The following PBXIP1 variants were observed in gnomAD, a reference collection of about 807,000 sequenced individuals.
The protein encoded by PBXIP1 is PBX homeobox interacting protein 1.
Under a neutral mutation model 73.7 loss-of-function variants are expected in PBXIP1, and 73 were observed. That is an observed-to-expected ratio of 0.99 (90% confidence interval 0.82 to 1.20). PBXIP1 has a LOEUF of 1.20. Ranked by LOEUF, PBXIP1 falls within the 50% of genes most tolerant of loss-of-function variation. PBXIP1 has a pLI of 0.00. For missense variants in PBXIP1, 818 were observed against 911.4 expected, an observed-to-expected ratio of 0.90 and a Z score of 1.32; for synonymous variants, 330 against 366.9, an observed-to-expected ratio of 0.90 and a Z score of 1.15.
At chr1:154,955,054 A>G in intron 1 of PBXIP1, 1 of 606,846 alleles carries the variant, frequency 1.6e-6, no homozygotes, top group Non-Finnish European at 2.1e-6. Context: ...TCAAGATCCA[A>G]GTCCTGGATA....
intron 5 of PBXIP1, among the ~76,000 whole-genome samples, chr1:154,950,961 T>C (rs1465965958): frequency 1.3e-5 from 2 of 152,230 alleles, no homozygotes; most frequent in Non-Finnish European, 2.9e-5. Flanking sequence ...AAATGAGGGT[T>C]GAATTCTGGA....
rs144269609 is a variant in PBXIP1 at position 154,945,711 on chromosome 1, G to T, written c.1963C>A (p.Arg655Ser). The T allele has an allele frequency of 2.5e-5, 41 of 1,614,116 alleles. No homozygotes were observed. The highest frequency in any genetic ancestry group is 3.5e-5 in the Non-Finnish European group (41 of 1,180,054). ...AGGGCATCCACAAAATCCCGGAAGC[G>T]GAGGCGGTCATGACGGAAGATGCCA... ...EDGIFRHDRL[R>S]FRDFVDALED... The change falls in exon 10 of 11, where the codon CGC (arginine) becomes AGC (serine). Residue 655 changes from arginine to serine, a missense_variant. Transcript: ENST00000368463.
intron 9 of PBXIP1, 174 bp from the exon 10 acceptor site, chr1:154,946,977 G>A (rs946562536): frequency 6.9e-6 from 4 of 580,594 alleles, no homozygotes; most frequent in Non-Finnish European, 1.2e-5. Flanking sequence ...CATCATGAAT[G>A]AGACACAGGG....
rs1654812527 is a variant in PBXIP1 at position 154,946,246 on chromosome 1, T to C, written c.1428A>G (p.Glu476=). Residue 476 remains glutamate, a synonymous_variant, in exon 10 of 11, where the codon GAA becomes GAG. Transcript: ENST00000368463. ...GGTCTCTCTGCCCATCCCACCACTTTTCCTTTCCACTCCACTCCCTAGAAT... is the reference window on the plus strand; with the variant it reads ...GGTCTCTCTGCCCATCCCACCACTTCTCCTTTCCACTCCACTCCCTAGAAT... ...FQNSREWSGK[E]KWWDGQRDRK... 1 of 1,614,174 alleles carries C rather than the reference T, an allele frequency of 6.2e-7. No homozygotes were observed. Among genetic ancestry groups the C allele is most frequent in the Non-Finnish European group, 8.5e-7 (1 of 1,180,018 alleles).
chr1:154,953,231 G>C (rs901269641), intron 2 of PBXIP1, among the ~76,000 whole-genome samples: 1 of 152,104 alleles, frequency 6.6e-6, no homozygotes, highest in Non-Finnish European at 1.5e-5. Context: ...TTTCCCATCA[G>C]GATGAGGCCT....
intron 5 of PBXIP1, chr1:154,950,380 G>A (rs1299101014): frequency 6.6e-6 from 1 of 152,326 alleles, no homozygotes; most frequent in African/African-American, 2.4e-5. Flanking sequence ...CCAGGCTAGA[G>A]TGAAGTGGGA....
intron 2 of PBXIP1, among the ~76,000 whole-genome samples, chr1:154,953,418 C>T (rs1655072439): frequency 6.6e-6 from 1 of 152,174 alleles, no homozygotes; most frequent in African/African-American, 2.4e-5. Flanking sequence ...TTGGTCTCTC[C>T]ATTCGAAATC....
At position 154,946,658 on chromosome 1, in the gene PBXIP1, T is replaced by C; in HGVS notation, c.1016A>G (p.Gln339Arg). Residue 339 changes from glutamine to arginine, a missense_variant, in exon 10 of 11, where the codon CAG becomes CGG. Transcript: ENST00000368463. Reference protein sequence around the residue: ...SELQQLRARLQGLEADCVRGP... With the variant: ...SELQQLRARLRGLEADCVRGP... Reference sequence around the variant, plus strand: ...CCGGACACAGTCGGCCTCCAGCCCCTGGAGCCGGGCCCGCAGCTGCTGCAG... The same window carrying C: ...CCGGACACAGTCGGCCTCCAGCCCCCGGAGCCGGGCCCGCAGCTGCTGCAG... 6.2e-7 allele frequency: 1 copy of C among 1,612,450 alleles called. No individual in the cohort carries two copies. Among genetic ancestry groups the C allele is most frequent in the Non-Finnish European group, 8.5e-7 (1 of 1,178,880 alleles).
rs1223966634 is a variant in PBXIP1, at chr1:154,951,803, T to A, written c.170A>T (p.Asp57Val). Residue 57 changes from aspartate to valine, a missense_variant, in exon 3 of 11, where the codon GAT (aspartate) becomes GTT (valine). Physicochemically the swap from Asp to Val is radical, Grantham distance 152 (BLOSUM62 -3). Transcript: ENST00000368463. This position sits in a 1 kb window ranked among gnomAD's most constrained non-coding sequence, Gnocchi z 4.3. ...TAAGCAGGGCCCAGTACCTTCTCCA[T>A]CCATGGTCCCAGCTAATTCTTTCCC... ...TDGKELAGTM[D>V]GEGTLFQTES... 2 of 1,613,876 alleles carry A rather than the reference T, an allele frequency of 1.2e-6. No homozygotes were observed. The highest frequency in any genetic ancestry group is 3.3e-5 in the Admixed American group (2 of 59,926).
chr1:154,955,392 T>C (rs1023505466), intron 1 of PBXIP1, among the ~76,000 whole-genome samples: 2 of 152,160 alleles, frequency 1.3e-5, no homozygotes, highest in African/African-American at 4.8e-5. Context: ...ACCACAGTGA[T>C]GTCAGACCCA....
At position 154,951,608 on chromosome 1, in the gene PBXIP1, C is replaced by T. The variant is rs1040177855; in HGVS notation, c.179-73G>A. 29 of 1,515,728 alleles carry T rather than the reference C, an allele frequency of 1.9e-5. No homozygotes were observed. The highest frequency in any genetic ancestry group is 2.5e-5 in the Non-Finnish European group (27 of 1,091,432). The allele number at this position is 1,515,728 out of a possible 1,614,324, so 93.9% of individuals were successfully genotyped here. A position where few individuals can be genotyped will look rare whatever the true frequency, so the allele number is the denominator to read the frequency against. ...TTCCTTTGCAGCCCTCTGTCCATCC[C>T]ACGGGCCCCTACCAGGTTGGAAGAG... On this transcript the variant is annotated intron_variant, in intron 3 of 10. Transcript: ENST00000368463. This position sits in a 1 kb window ranked among gnomAD's most constrained non-coding sequence, Gnocchi z 4.3.
Position 154,948,353 on chromosome 1 carries a change from C to G in PBXIP1, c.423G>C (p.Glu141Asp), listed in dbSNP as rs1296156574. The G allele has an allele frequency of 1.3e-6, 2 of 1,595,350 alleles. No individual in the cohort carries two copies. Among genetic ancestry groups the G allele is most frequent in the African/African-American group, 1.3e-5 (1 of 74,786 alleles). The change falls in exon 6 of 11, where the codon GAG (glutamate) becomes GAC (aspartate). Residue 141 changes from glutamate to aspartate, a missense_variant. Coordinates refer to ENST00000368463, the MANE Select transcript of PBXIP1 (RefSeq NM_020524.4). ...CGTCACTGCTGGAGCAGCGGCCCTC[C>G]TCCCTGATCCAAGCTAGGGGAAAGG... is the stretch of plus-strand genomic sequence containing the variant. ...PSTPKAAWIR[E>D]EGRCSSSDDD...
chr1:154,953,700 C>G lies in PBXIP1; in HGVS notation c.22G>C (p.Asp8His). The G allele has an allele frequency of 5.0e-6, 8 of 1,613,444 alleles. No individual in the cohort carries two copies. The highest frequency in any genetic ancestry group is 2.2e-5 in the South Asian group (2 of 90,996). MASCPDS[D>H]NSWVLAGSES... ...GAGCCAGCAAGCACCCAGCTATTAT[C>G]AGAGTCTGGGCAGGAGGCCATAGTT... Residue 8 changes from aspartate to histidine, a missense_variant, in exon 2 of 11, where the codon GAT becomes CAT. Coordinates refer to ENST00000368463, the MANE Select transcript of PBXIP1 (RefSeq NM_020524.4).
chr1:154,946,492 T>C lies in PBXIP1; in HGVS notation c.1182A>G (p.Leu394=), dbSNP rs758760687. Residue 394 remains leucine, a synonymous_variant, in exon 10 of 11, where the codon TTA becomes TTG. Transcript: ENST00000368463. The stretch of plus-strand genomic sequence containing the variant: ...GTCGCTGCCTCTCTAACTCTTGCCT[T>C]AATGCCTGTGCCTCAGCCTCCAGCT... The part of the protein sequence containing the change: ...KEQLEAEAQA[L]RQELERQRRL... 5.6e-6 allele frequency: 9 copies of C among 1,609,358 alleles called. No homozygotes were observed. The East Asian group carries it at 1.6e-4, about 28-fold the overall frequency.
chr1:154,952,360 A>C (rs1571401660), intron 2 of PBXIP1, among the ~76,000 whole-genome samples: 1 of 152,018 alleles, frequency 6.6e-6, no homozygotes, highest in African/African-American at 2.4e-5. Context: ...ACAACTACTT[A>C]CATCTCTCAA....
At position 154,951,606 on chromosome 1, in the gene PBXIP1, C is replaced by G; in HGVS notation, c.179-71G>C. 6.6e-7 allele frequency: 1 copy of G among 1,514,116 alleles called. No individual in the cohort carries two copies. Among genetic ancestry groups the G allele is most frequent in the Non-Finnish European group, 9.2e-7 (1 of 1,089,906 alleles). 93.8% of individuals were successfully genotyped at this position (1,514,116 alleles called of 1,614,324 possible). On this transcript the variant is annotated intron_variant, in intron 3 of 10. Coordinates refer to ENST00000368463, the MANE Select transcript of PBXIP1 (RefSeq NM_020524.4). The surrounding 1 kb of genome is among the most constrained non-coding windows in gnomAD (Gnocchi z 4.3). ...ATTTCCTTTGCAGCCCTCTGTCCAT[C>G]CCACGGGCCCCTACCAGGTTGGAAG...
At position 154,954,744 on chromosome 1, in the gene PBXIP1, G is replaced by A. The variant is rs76746475; in HGVS notation, c.-36-987C>T. 2.5e-4 allele frequency among the ~76,000 whole-genome samples: 38 copies of A among 152,320 alleles called. No homozygotes were observed. In the East Asian group the frequency reaches 6.4e-3, roughly 25 times the overall value. On this transcript the variant is annotated intron_variant, in intron 1 of 10. Coordinates refer to ENST00000368463, the MANE Select transcript of PBXIP1 (RefSeq NM_020524.4). ...TGACTGACACAAAGCAGGGTAAGAA[G>A]AGAGGGATCCGCCCCTTCATCCAAG...
intron 1 of PBXIP1, among the ~76,000 whole-genome samples, chr1:154,953,987 G>A (rs1166220551): frequency 1.3e-5 from 2 of 152,124 alleles, no homozygotes; most frequent in African/African-American, 4.8e-5. Flanking sequence ...GGGACCAACA[G>A]GGCCTTGGAA....
chr1:154,946,725 G>C lies in PBXIP1; in HGVS notation c.949C>G (p.Leu317Val), dbSNP rs1420890819. Residue 317 changes from leucine (L) to valine (V), a missense_variant, in exon 10 of 11, where the codon CTG becomes GTG. Coordinates refer to ENST00000368463, the MANE Select transcript of PBXIP1 (RefSeq NM_020524.4). ...CGCTGGAAGGCTTCGCCCTGCTGCAGAGCCCCCCGGAGCTGGGCATTCTCC... is the reference window on the plus strand; with the variant it reads ...CGCTGGAAGGCTTCGCCCTGCTGCACAGCCCCCCGGAGCTGGGCATTCTCC... Reference protein sequence around the residue: ...EEENAQLRGALQQGEAFQRAL... With the variant: ...EEENAQLRGAVQQGEAFQRAL... The C allele has an allele frequency of 1.2e-5, 20 of 1,605,542 alleles. No individual in the cohort carries two copies. Among genetic ancestry groups the C allele is most frequent in the Non-Finnish European group, 1.7e-5 (20 of 1,174,164 alleles).
Sources: gnomAD v4.1 joint callset for allele counts (sites outside exome capture counted in the v4.1 genomes callset) on GRCh38, gnomAD v4.1.1 for gene constraint, Gnocchi (gnomAD v3.1) non-coding constraint, MANE v1.5 for transcripts, NCBI Gene and HGNC (gene_info 2026-07-23, HGNC 2026-07-21) for gene names.